INPP5D: variants seen among roughly 807,000 people sequenced by gnomAD.
INPP5D encodes phosphatidylinositol 3,4,5-trisphosphate 5-phosphatase 1.
A neutral mutation model predicts 122.9 loss-of-function variants in INPP5D; 33 were observed. That is an observed-to-expected ratio of 0.27 (90% CI 0.20 to 0.36). The LOEUF (loss-of-function observed/expected upper bound fraction) is 0.36, where lower values mean the gene tolerates loss of function less well. Among genes scored for constraint, INPP5D ranks in the 10% least tolerant of loss-of-function variants. The pLI, the probability that INPP5D is intolerant of heterozygous loss-of-function variation, is 1.00. For synonymous variants in INPP5D, 584 were observed against 576.2 expected (o/e 1.01, Z -0.19); for missense variants, 1,053 against 1,412.7 (o/e 0.75, Z 4.08).
intron 9 of INPP5D, among the ~76,000 whole-genome samples, chr2:233,149,497 C>T (rs1693867065): frequency 6.6e-6 from 1 of 152,102 alleles, no homozygotes; most frequent in South Asian, 2.1e-4. Flanking sequence ...GTCCCTGTGT[C>T]CTTGGAGACA....
chr2:233,172,932 G>A (rs1694527143), intron 17 of INPP5D, among the ~76,000 whole-genome samples: 2 of 152,214 alleles, frequency 1.3e-5, no homozygotes, highest in South Asian at 2.1e-4. Context: ...AAATGGGCTG[G>A]GGGCAGCGGC....
chr2:233,144,643 G>A (rs1693708370), intron 6 of INPP5D, among the ~76,000 whole-genome samples: 2 of 116,832 alleles, frequency 1.7e-5, no homozygotes, highest in Non-Finnish European at 4.1e-5. Flanking sequence ...TGATCATGGT[G>A]GGAGTGATGG....
intron 25 of INPP5D, among the ~76,000 whole-genome samples, chr2:233,199,390 G>T (rs1361804632): frequency 2.1e-5 from 3 of 139,672 alleles, no homozygotes; most frequent in Non-Finnish European, 3.2e-5. Flanking sequence ...CCATAAAAAT[G>T]CCAGGTGTGG....
At position 233,164,237 on chromosome 2, in the gene INPP5D, G is replaced by A; in HGVS notation, c.1438-70G>A. ...ACCCAGGGGCTGCGGCTGGGGCTGG[G>A]TGTGAATCACTGTGCCCTGGTTCAC... On this transcript the variant is annotated intron_variant, in intron 12 of 26. Coordinates refer to ENST00000445964, the MANE Select transcript of INPP5D (RefSeq NM_001017915.3). This position sits in a 1 kb window ranked among gnomAD's most constrained non-coding sequence, Gnocchi z 4.3. 2.0e-6 allele frequency: 3 copies of A among 1,488,730 alleles called. No individual in the cohort carries two copies. The highest frequency in any genetic ancestry group is 2.7e-6 in the Non-Finnish European group (3 of 1,113,604). 92.2% of individuals were successfully genotyped at this position (1,488,730 alleles called of 1,614,324 possible). A position where few individuals can be genotyped will look rare whatever the true frequency, so the allele number is the denominator to read the frequency against.
intron 3 of INPP5D, among the ~76,000 whole-genome samples, chr2:233,124,419 T>C (rs1389908623): frequency 1.3e-5 from 2 of 152,226 alleles, no homozygotes; most frequent in South Asian, 2.1e-4. Flanking sequence ...TGTGCAGCTG[T>C]TCGTTTCCAA....
intron 2 of INPP5D, among the ~76,000 whole-genome samples, chr2:233,112,306 AT>A (rs1692657241): frequency 6.6e-6 from 1 of 152,118 alleles, no homozygotes; most frequent in South Asian, 2.1e-4. Flanking sequence ...TCGATGGATT[AT>A]AATTATTTTT....
At chr2:233,165,856 G>C (rs1221657037) in intron 13 of INPP5D, among the ~76,000 whole-genome samples, 1 of 151,990 alleles carries the variant, frequency 6.6e-6, no homozygotes, top group East Asian at 1.9e-4. Context: ...GTGTTTGTGT[G>C]TGTGTGTGTG....
Position 233,192,973 on chromosome 2 carries a change from C to T in INPP5D, c.2447-839C>T, listed in dbSNP as rs139773785. Among the ~76,000 whole-genome samples, 705 of 152,316 alleles carry T rather than the reference C, an allele frequency of 4.6e-3. 6 individuals are homozygous for T. The highest frequency in any genetic ancestry group is 0.014 in the African/African-American group (568 of 41,576). ...CACGATCTTGGCTCGCTGCAACCTC[C>T]GCTTCCCAGATTCAAGAGATTCTCC... On this transcript the variant is annotated intron_variant, in intron 22 of 26. Coordinates refer to ENST00000445964, the MANE Select transcript of INPP5D (RefSeq NM_001017915.3).
At chr2:233,087,691 G>T (rs1250874645) in intron 2 of INPP5D, among the ~76,000 whole-genome samples, 1 of 152,128 alleles carries the variant, frequency 6.6e-6, no homozygotes. Context: ...ACTATTCCTA[G>T]CATGTAGTGA....
At chr2:233,143,819 GTGGTGA>G (rs1184352407) in intron 6 of INPP5D, among the ~76,000 whole-genome samples, 33 of 152,142 alleles carry the variant, frequency 2.2e-4, no homozygotes, top group East Asian at 3.9e-4. Flanking sequence ...GGAGATGGTG[GTGGTGA>G]TGGTGATGGT....
chr2:233,063,388 C>T (rs893368638), intron 1 of INPP5D, among the ~76,000 whole-genome samples: 18 of 152,232 alleles, frequency 1.2e-4, no homozygotes, highest in African/African-American at 3.1e-4. Flanking sequence ...GGACAACGGC[C>T]GGAGTCTCCA....
At chr2:233,171,685 A>G (rs1304434671) in intron 17 of INPP5D, among the ~76,000 whole-genome samples, 2 of 152,220 alleles carry the variant, frequency 1.3e-5, no homozygotes, top group African/African-American at 2.4e-5. Context: ...CATTTGTTCA[A>G]AGATATTTCC....
chr2:233,168,164 T>A lies in INPP5D; in HGVS notation c.1556-1141T>A, dbSNP rs144211612. The stretch of plus-strand genomic sequence containing the variant: ...GTAGCCACATTAAAAAGAAAACAAG[T>A]GAAATTAATTTCAATAATAGATTTT... On this transcript the variant is annotated intron_variant, in intron 13 of 26. Transcript: ENST00000445964. Among the ~76,000 whole-genome samples, 860 of 152,272 alleles carry A rather than the reference T, an allele frequency of 5.6e-3. 11 individuals carry two copies. Among genetic ancestry groups the A allele is most frequent in the African/African-American group, 0.02 (813 of 41,558 alleles).
chr2:233,067,871 T>A (rs543393793), intron 1 of INPP5D, among the ~76,000 whole-genome samples: 3 of 152,328 alleles, frequency 2.0e-5, no homozygotes, highest in Admixed American at 2.0e-4. Context: ...GAAAACAGGG[T>A]TGTTTGTCTT....
At position 233,079,415 on chromosome 2, in the gene INPP5D, C is replaced by T. The variant is rs1161283934; in HGVS notation, c.198+17C>T. On this transcript the variant is annotated intron_variant, in intron 2 of 26. Coordinates refer to ENST00000445964, the MANE Select transcript of INPP5D (RefSeq NM_001017915.3). ...ACTGTTCAGGTGAGTCCTTTATAAACCTAGAAATCTGAACCTGACTTCAGC... is the reference window on the plus strand; with the variant it reads ...ACTGTTCAGGTGAGTCCTTTATAAATCTAGAAATCTGAACCTGACTTCAGC... 2.6e-6 allele frequency: 4 copies of T among 1,512,600 alleles called. No homozygotes were observed. The Admixed American group carries it at 5.0e-5, about 19-fold the overall frequency. 93.7% of individuals were successfully genotyped at this position (1,512,600 alleles called of 1,614,324 possible).
chr2:233,151,190 T>C (rs946001486), intron 9 of INPP5D, among the ~76,000 whole-genome samples: 3 of 152,126 alleles, frequency 2.0e-5, no homozygotes, highest in African/African-American at 7.2e-5. Context: ...GAATGGGCTA[T>C]GCATGGGTGC....
At chr2:233,185,953 A>G in intron 21 of INPP5D, 28 bp downstream of exon 21, 5 of 1,566,770 alleles carry the variant, frequency 3.2e-6, no homozygotes, top group Non-Finnish European at 4.3e-6. Context: ...CATTCCCCAG[A>G]GGGAGATTTG....
At chr2:233,195,283 G>A in intron 23 of INPP5D, 116 bp from the exon 24 acceptor site, 11 of 1,506,094 alleles carry the variant, frequency 7.3e-6, no homozygotes, top group Non-Finnish European at 1.0e-5. Flanking sequence ...CACCTCTCCA[G>A]GTACTCACTA....
rs1436818946 is a variant in INPP5D, at chr2:233,164,565, A to T, written c.1555+141A>T. On this transcript the variant is annotated intron_variant, in intron 13 of 26. Coordinates refer to ENST00000445964, the MANE Select transcript of INPP5D (RefSeq NM_001017915.3). This position sits in a 1 kb window ranked among gnomAD's most constrained non-coding sequence, Gnocchi z 4.3. Reference sequence around the variant, plus strand: ...TCAGATCCTGGCTCAGTCCTCAGCAAATAGGGGTGATTGGTCTCCCTGGCT... The same window carrying T: ...TCAGATCCTGGCTCAGTCCTCAGCATATAGGGGTGATTGGTCTCCCTGGCT... 1 of 1,281,150 alleles carries T rather than the reference A, an allele frequency of 7.8e-7. No individual in the cohort carries two copies. The highest frequency in any genetic ancestry group is 2.9e-5 in the East Asian group (1 of 34,308). 79.4% of individuals were successfully genotyped at this position (1,281,150 alleles called of 1,614,324 possible).
Sources: allele counts gnomAD v4.1 joint callset (sites outside exome capture counted in the v4.1 genomes callset), GRCh38; gene constraint gnomAD v4.1.1; non-coding constraint Gnocchi (gnomAD v3.1); transcripts MANE v1.5; gene names NCBI Gene and HGNC (gene_info 2026-07-23, HGNC 2026-07-21).